The following GALM variants were observed in gnomAD, a reference collection of about 807,000 sequenced individuals.
GALM encodes aldose 1-epimerase.
Under a neutral mutation model 37.4 loss-of-function variants are expected in GALM, and 43 were observed. The ratio of observed to expected loss-of-function variants is 1.15; its 90% confidence interval spans 0.90 to 1.48. GALM has a LOEUF of 1.48. Among genes scored for constraint, GALM ranks in the 40% most tolerant of loss-of-function variants. The probability of loss-of-function intolerance (pLI) is 0.00; values close to 1 mark genes in which losing one functional copy is unlikely to be tolerated. For missense variants in GALM, 456 were observed against 419.1 expected (o/e 1.09, Z -0.77); for synonymous variants, 199 against 170.6 (o/e 1.17, Z -1.30).
chr2:38,721,550 G>C (rs374523276), intron 4 of GALM, among the ~76,000 whole-genome samples: 1 of 152,088 alleles, frequency 6.6e-6, no homozygotes, highest in East Asian at 1.9e-4. Context: ...CTCTCACTCT[G>C]TCACCCAGGC....
chr2:38,720,398 G>A (rs750746252), intron 4 of GALM, among the ~76,000 whole-genome samples: 2 of 134,736 alleles, frequency 1.5e-5, no homozygotes, highest in Non-Finnish European at 1.5e-5. Context: ...ATAATCACGT[G>A]AAGGCACTTC....
intron 4 of GALM, chr2:38,698,416 G>A (rs1192323390): frequency 7.7e-7 from 1 of 1,303,750 alleles, no homozygotes; most frequent in Non-Finnish European, 1.0e-6. Context: ...TTTACCCATG[G>A]ACCAGGAGCA....
At chr2:38,718,907 G>A (rs1400489135) in intron 4 of GALM, among the ~76,000 whole-genome samples, 1 of 151,884 alleles carries the variant, frequency 6.6e-6, no homozygotes, top group Non-Finnish European at 1.5e-5. Context: ...ATTCATCCGG[G>A]TGAGAGAGTG....
chr2:38,672,402 C>A (rs1350499235), intron 1 of GALM, among the ~76,000 whole-genome samples: 10 of 152,130 alleles, frequency 6.6e-5, no homozygotes, highest in Non-Finnish European at 1.3e-4. Flanking sequence ...TTTTGGTTAA[C>A]CAGTGTATGG....
chr2:38,694,082 T>C (rs1417230092), intron 4 of GALM, among the ~76,000 whole-genome samples: 1 of 151,928 alleles, frequency 6.6e-6, no homozygotes, highest in African/African-American at 2.4e-5. Flanking sequence ...TTTGGGAGGC[T>C]GAGGTAAGAC....
chr2:38,668,323 A>T (rs1665006540), intron 1 of GALM: 1 of 152,856 alleles, frequency 6.5e-6, no homozygotes, highest in African/African-American at 2.4e-5. Context: ...AAGTGCTGGG[A>T]TTACAGACAT....
intron 4 of GALM, among the ~76,000 whole-genome samples, chr2:38,694,722 C>T (rs538566812): frequency 6.6e-6 from 1 of 151,892 alleles, no homozygotes; most frequent in South Asian, 2.1e-4. Context: ...TGGTAAAACC[C>T]CGTCTCTACT....
intron 4 of GALM, among the ~76,000 whole-genome samples, chr2:38,703,070 ATATATATATATATATATATATATTTTTT>A (rs1379236294): frequency 0.094 from 494 of 5,228 alleles, 22 homozygotes; most frequent in African/African-American, 0.16. Flanking sequence ...ATATATATAT[ATATATATATATATATATATATATTTTTT>A]TTTTTTTTTT....
chr2:38,725,696 CA>C (rs1260941835), intron 4 of GALM, among the ~76,000 whole-genome samples: 3 of 151,912 alleles, frequency 2.0e-5, no homozygotes, highest in Non-Finnish European at 2.9e-5. Flanking sequence ...TTTTTCTTTT[CA>C]TTTCTTTTCT....
chr2:38,705,704 G>A (rs758338570), intron 4 of GALM, among the ~76,000 whole-genome samples: 11 of 152,154 alleles, frequency 7.2e-5, no homozygotes, highest in African/African-American at 1.2e-4. Context: ...CACTCCCAGG[G>A]TCGTGCATGT....
intron 5 of GALM, among the ~76,000 whole-genome samples, chr2:38,730,549 G>A (rs1666586068): frequency 6.6e-6 from 1 of 152,162 alleles, no homozygotes; most frequent in African/African-American, 2.4e-5. Flanking sequence ...ACAGGTGTAA[G>A]CCACTGCACC....
chr2:38,726,028 T>C (rs964783302), intron 4 of GALM, among the ~76,000 whole-genome samples: 2 of 151,648 alleles, frequency 1.3e-5, no homozygotes, highest in Non-Finnish European at 2.9e-5. Flanking sequence ...TAGTATATCA[T>C]GTAAACATTG....
chr2:38,725,086 T>G (rs1175195471), intron 4 of GALM, among the ~76,000 whole-genome samples: 1 of 152,350 alleles, frequency 6.6e-6, no homozygotes, highest in Middle Eastern at 3.4e-3. Context: ...GGGTTAGATT[T>G]TGAGTTGACT....
intron 4 of GALM, among the ~76,000 whole-genome samples, chr2:38,703,356 T>A (rs764965548): frequency 4.6e-5 from 7 of 151,324 alleles, no homozygotes; most frequent in African/African-American, 7.3e-5. Flanking sequence ...TCCACCCACC[T>A]TGGCCTCTCA....
At chr2:38,686,809 G>T (rs574350384) in intron 3 of GALM, among the ~76,000 whole-genome samples, 1 of 152,352 alleles carries the variant, frequency 6.6e-6, no homozygotes, top group South Asian at 2.1e-4. Context: ...CTAGGAAACA[G>T]AGTGAAGACC....
At chr2:38,676,370 T>C (rs1665261171) in intron 2 of GALM, among the ~76,000 whole-genome samples, 1 of 152,164 alleles carries the variant, frequency 6.6e-6, no homozygotes, top group African/African-American at 2.4e-5. Flanking sequence ...TGTGGATTGA[T>C]AACAGTATCT....
rs1410173649 is a variant in GALM at position 38,729,700 on chromosome 2, C to T, written c.776+3C>T. On this transcript the variant is annotated splice_donor_region_variant and intron_variant, in intron 5 of 6. Transcript: ENST00000272252. ...AAAGAAAAGCATTTTTGTGCAAGGT[C>T]AGGTACTTTTCACTTCCTGAGTCTG... The T allele has an allele frequency of 1.2e-6, 2 of 1,610,412 alleles. No individual in the cohort carries two copies. Among genetic ancestry groups the T allele is most frequent in the Admixed American group, 3.3e-5 (2 of 59,824 alleles).
chr2:38,691,478 G>A (rs1261443897), intron 4 of GALM, among the ~76,000 whole-genome samples: 2 of 151,882 alleles, frequency 1.3e-5, no homozygotes, highest in Non-Finnish European at 2.9e-5. Context: ...CCAGGAGTTC[G>A]AGACCAGACT....
rs1446279063 is a variant in GALM, at chr2:38,718,632, G to A, written c.635-10924G>A. Among the ~76,000 whole-genome samples the A allele has an allele frequency of 5.9e-5, 9 of 151,556 alleles. No individual in the cohort carries two copies. In the South Asian group the frequency reaches 6.4e-4, roughly 11 times the overall value. On this transcript the variant is annotated intron_variant, in intron 4 of 6. Transcript: ENST00000272252. Reference sequence around the variant, plus strand: ...TTCTCCCTTAAAATAATTTTTAATTGTTATTATAAACAGGATGGACCTGTG... The same window carrying A: ...TTCTCCCTTAAAATAATTTTTAATTATTATTATAAACAGGATGGACCTGTG...
Sources: gnomAD v4.1 joint callset for allele counts (sites outside exome capture counted in the v4.1 genomes callset) on GRCh38, gnomAD v4.1.1 for gene constraint, MANE v1.5 for transcripts, NCBI Gene and HGNC (gene_info 2026-07-23, HGNC 2026-07-21) for gene names.